The following GRIP1 variants were observed in gnomAD, a reference collection of about 807,000 sequenced individuals.
GRIP1 encodes glutamate receptor-interacting protein 1.
Under a neutral mutation model 129.9 loss-of-function variants are expected in GRIP1, and 45 were observed. The ratio of observed to expected loss-of-function variants is 0.35; its 90% confidence interval spans 0.27 to 0.44. The LOEUF (loss-of-function observed/expected upper bound fraction) is 0.44, where lower values mean the gene tolerates loss of function less well. Ranked by LOEUF, GRIP1 falls within the 20% of genes least tolerant of loss-of-function variation. The pLI, the probability that GRIP1 is intolerant of heterozygous loss-of-function variation, is 1.00. For missense variants in GRIP1, 1,196 were observed against 1,396.8 expected (o/e 0.86, Z 2.29); for synonymous variants, 530 against 520.8 (o/e 1.02, Z -0.24).
intron 1 of GRIP1, among the ~76,000 whole-genome samples, chr12:66,925,482 A>C (rs866984774): frequency 6.6e-6 from 1 of 152,194 alleles, no homozygotes; most frequent in Non-Finnish European, 1.5e-5. Context: ...AGTCATGTAG[A>C]GGGATGCAGA....
In GRIP1 at chr12:66,657,836, C is replaced by T. The variant is rs117619552; in HGVS notation, c.55+21014G>A. ...AAAACAACAGACAAAGCACGATGGC[C>T]GTAATGTCTCCAAGGCGACAGGAGG... On this transcript the variant is annotated intron_variant, in intron 1 of 24. Coordinates refer to ENST00000359742, the MANE Select transcript of GRIP1 (RefSeq NM_001366722.1). 1.8e-4 allele frequency among the ~76,000 whole-genome samples: 28 copies of T among 152,242 alleles called. No homozygotes were observed. The East Asian group carries it at 4.6e-3, about 25-fold the overall frequency.
At chr12:66,714,917 ATCC>A (rs1228870577) in intron 1 of GRIP1, among the ~76,000 whole-genome samples, 285 of 144,000 alleles carry the variant, frequency 2.0e-3, no homozygotes, top group Middle Eastern at 7.4e-3. Context: ...CCATCCATCC[ATCC>A]ATCCAATCCA....
chr12:66,568,984 A>G (rs2062861437), intron 2 of GRIP1: 3 of 498,642 alleles, frequency 6.0e-6, no homozygotes, highest in Admixed American at 4.2e-5. Context: ...TACAAGATTA[A>G]TAGTACTTAT....
At chr12:66,419,570 A>G (rs1010520991) in intron 15 of GRIP1, among the ~76,000 whole-genome samples, 1 of 152,230 alleles carries the variant, frequency 6.6e-6, no homozygotes, top group African/African-American at 2.4e-5. Context: ...CCATAAGTAT[A>G]TATACCAACT....
intron 1 of GRIP1, among the ~76,000 whole-genome samples, chr12:66,659,352 C>T (rs1565948099): frequency 1.3e-5 from 2 of 152,214 alleles, no homozygotes; most frequent in Admixed American, 6.5e-5. Context: ...ATTTTATTTG[C>T]TGCTGTGTAA....
At chr12:66,372,071 T>C (rs1297628562) in intron 22 of GRIP1, 144 bp from the exon 23 acceptor site, 8 of 684,202 alleles carry the variant, frequency 1.2e-5, no homozygotes, top group African/African-American at 3.5e-5. Context: ...ATGGATGTAC[T>C]AATTGAACTA....
At chr12:66,395,737 C>T (rs867421791) in intron 16 of GRIP1, among the ~76,000 whole-genome samples, 3 of 152,318 alleles carry the variant, frequency 2.0e-5, no homozygotes, top group Middle Eastern at 3.4e-3. Context: ...CTTAAGTCAA[C>T]ATTTTAGGGC....
At chr12:67,005,297 T>G (rs1043866501) in intron 1 of GRIP1, among the ~76,000 whole-genome samples, 1 of 152,190 alleles carries the variant, frequency 6.6e-6, no homozygotes, top group African/African-American at 2.4e-5. Context: ...AAAGGAACAA[T>G]ATAGTGGTAA....
At chr12:66,742,364 T>G (rs1206050339) in intron 1 of GRIP1, among the ~76,000 whole-genome samples, 1 of 152,190 alleles carries the variant, frequency 6.6e-6, no homozygotes, top group African/African-American at 2.4e-5. Flanking sequence ...AATATTTGCT[T>G]GTAATCTTCA....
In GRIP1 at chr12:66,406,449, A is replaced by G. The variant is rs374492648; in HGVS notation, c.1839-21T>C. ...CAGTTCTGTTAGTGAATGCAAAGTA[A>G]CACATGACTAATGATGAGCACTTAA... On this transcript the variant is annotated intron_variant, in intron 15 of 24. Coordinates refer to ENST00000359742, the MANE Select transcript of GRIP1 (RefSeq NM_001366722.1). 17 of 1,612,448 alleles carry G rather than the reference A, an allele frequency of 1.1e-5. No homozygotes were observed. The Admixed American group carries it at 1.8e-4, about 17-fold the overall frequency.
intron 7 of GRIP1, among the ~76,000 whole-genome samples, chr12:66,474,756 T>C (rs2059551470): frequency 6.6e-6 from 1 of 152,112 alleles, no homozygotes; most frequent in Admixed American, 6.5e-5. Flanking sequence ...AGAAATAAAA[T>C]ACTTTACAGA....
chr12:66,525,451 G>A (rs2061194529), intron 5 of GRIP1, among the ~76,000 whole-genome samples: 1 of 152,132 alleles, frequency 6.6e-6, no homozygotes. Context: ...CTCAATAGAT[G>A]CAGAAAAGGC....
chr12:66,601,987 G>A (rs563042968), intron 1 of GRIP1, among the ~76,000 whole-genome samples: 11 of 152,276 alleles, frequency 7.2e-5, no homozygotes, highest in East Asian at 3.9e-4. Flanking sequence ...ATTACCCGAC[G>A]GGGTGAGTGA....
chr12:66,930,931 G>C lies in GRIP1; in HGVS notation c.58+138119C>G, dbSNP rs550867824. Among the ~76,000 whole-genome samples the C allele has an allele frequency of 3.4e-4, 52 of 152,202 alleles. No homozygotes were observed. The South Asian group carries it at 8.5e-3, about 25-fold the overall frequency. ...ATGTGCTGTATCTATCTTGGCTCCA[G>C]GATTCTAGTCTAATTTAGAGTAGTT... is the stretch of plus-strand genomic sequence containing the variant. On this transcript the variant is annotated intron_variant, in intron 1 of 1. Transcript: ENST00000643019.
intron 1 of GRIP1, among the ~76,000 whole-genome samples, chr12:66,647,707 G>C (rs944349864): frequency 1.3e-5 from 2 of 152,142 alleles, no homozygotes; most frequent in Non-Finnish European, 2.9e-5. Context: ...GAGATATCAT[G>C]GTAAAAAATC....
chr12:66,585,117 T>G (rs1044778571), intron 2 of GRIP1, among the ~76,000 whole-genome samples: 1 of 151,338 alleles, frequency 6.6e-6, no homozygotes, highest in African/African-American at 2.4e-5. Flanking sequence ...TTTTTTTTAT[T>G]ATACTTTAAG....
intron 1 of GRIP1, among the ~76,000 whole-genome samples, chr12:66,747,381 T>C (rs1416990688): frequency 2.0e-5 from 3 of 152,176 alleles, no homozygotes. Context: ...AAAGAATATC[T>C]TTCAGCAGAA....
intron 1 of GRIP1, among the ~76,000 whole-genome samples, chr12:67,023,860 G>T (rs768504847): frequency 6.6e-6 from 1 of 152,070 alleles, no homozygotes; most frequent in Non-Finnish European, 1.5e-5. Flanking sequence ...TTTCCATGGG[G>T]ACCCAAAGCT....
chr12:66,676,333 C>T (rs2136257617), intron 1 of GRIP1, among the ~76,000 whole-genome samples: 1 of 152,146 alleles, frequency 6.6e-6, no homozygotes, highest in East Asian at 1.9e-4. Flanking sequence ...TCATTTTCTC[C>T]TTAAGAAAAT....
Sources: gnomAD v4.1 joint callset for allele counts (sites outside exome capture counted in the v4.1 genomes callset) on GRCh38, gnomAD v4.1.1 for gene constraint, MANE v1.5 for transcripts, NCBI Gene and HGNC (gene_info 2026-07-23, HGNC 2026-07-21) for gene names.